ADGB: variants seen among roughly 807,000 people sequenced by gnomAD.
ADGB encodes androglobin.
A neutral mutation model predicts 210.5 loss-of-function variants in ADGB; 172 were observed. The ratio of observed to expected loss-of-function variants is 0.82; its 90% CI spans 0.72 to 0.93. The LOEUF is 0.93. ADGB is among the 40% of genes least tolerant of loss of function. The pLI is 0.00. For synonymous variants in ADGB, 658 were observed against 662.7 expected, an observed-to-expected ratio of 0.99 and a Z score of 0.11; for missense variants, 2,025 against 1,964.8, an observed-to-expected ratio of 1.03 and a Z score of -0.58.
intron 26 of ADGB, among the ~76,000 whole-genome samples, chr6:146,747,457 G>A (rs1777256226): frequency 6.6e-6 from 1 of 152,168 alleles, no homozygotes; most frequent in Non-Finnish European, 1.5e-5. Context: ...GAGTGGTGAG[G>A]AAGGTGAAGA....
chr6:146,652,717 A>C (rs138822334), intron 3 of ADGB, among the ~76,000 whole-genome samples: 1,563 of 152,288 alleles, frequency 0.01, 10 homozygotes, highest in Admixed American at 0.02. Flanking sequence ...ACAAGATTTT[A>C]AAAAGCTATC....
chr6:146,623,310 A>G (rs1469562152), intron 1 of ADGB, among the ~76,000 whole-genome samples: 1 of 151,978 alleles, frequency 6.6e-6, no homozygotes, highest in African/African-American at 2.4e-5. Flanking sequence ...CTTTCAACAT[A>G]TGTATATGGT....
Position 146,635,513 on chromosome 6 carries a change from C to A in ADGB, c.213C>A (p.Asp71Glu). The change falls in exon 2 of 36, where the codon GAC becomes GAA. Residue 71 changes from aspartate to glutamate, a missense_variant. Coordinates refer to ENST00000397944, the MANE Select transcript of ADGB (RefSeq NM_024694.4). Reference protein sequence around the residue: ...WDAGKGAKEKDKTGKSPVFHF... With the variant: ...WDAGKGAKEKEKTGKSPVFHF... ...CAGGCAAAGGTGCAAAAGAAAAGGA[C>A]AAAACAGGAAAAAGCCCTGTATTTG... 1 of 1,542,252 alleles carries A rather than the reference C, an allele frequency of 6.5e-7. No homozygotes were observed. Among genetic ancestry groups the A allele is most frequent in the Non-Finnish European group, 8.8e-7 (1 of 1,142,578 alleles).
chr6:146,706,487 T>C (rs896915022), intron 13 of ADGB, among the ~76,000 whole-genome samples: 5 of 151,980 alleles, frequency 3.3e-5, no homozygotes, highest in African/African-American at 1.2e-4. Flanking sequence ...TTTGATCTCC[T>C]GACCTCGTCA....
chr6:146,745,937 G>A lies in ADGB; in HGVS notation c.3193G>A (p.Val1065Met). Residue 1065 changes from valine to methionine, a missense_variant, in exon 26 of 36, where the codon GTG becomes ATG. Transcript: ENST00000397944. ...TTTCTTATAGAAGGGATACACTTTT[G>A]TGGCGGAAGCATTTACAGGCGACAC... ...YTKNKKGYTF[V>M]AEAFTGDTYV... 1 of 1,546,828 alleles carries A rather than the reference G, an allele frequency of 6.5e-7. No individual in the cohort carries two copies. The highest frequency in any genetic ancestry group is 8.7e-7 in the Non-Finnish European group (1 of 1,145,016).
At chr6:146,806,369 T>TA (rs1219564800) in intron 35 of ADGB, among the ~76,000 whole-genome samples, 1 of 152,190 alleles carries the variant, frequency 6.6e-6, no homozygotes, top group African/African-American at 2.4e-5. Flanking sequence ...TGATGTATAT[T>TA]AAACTTATTT....
chr6:146,787,873 T>C (rs1777896657), intron 32 of ADGB, among the ~76,000 whole-genome samples: 1 of 152,134 alleles, frequency 6.6e-6, no homozygotes. Flanking sequence ...TTTTACATAG[T>C]TTTTCCTAGG....
intron 29 of ADGB, among the ~76,000 whole-genome samples, chr6:146,779,751 GA>G (rs561225836): frequency 1.9e-4 from 27 of 143,722 alleles, no homozygotes; most frequent in African/African-American, 6.1e-4. Context: ...AGATATCCCA[GA>G]AAAAAAAACA....
At chr6:146,787,625 T>G (rs1777892297) in intron 32 of ADGB, among the ~76,000 whole-genome samples, 1 of 151,042 alleles carries the variant, frequency 6.6e-6, no homozygotes, top group Non-Finnish European at 1.5e-5. Flanking sequence ...TGCCTCTTAT[T>G]TCAACATTTC....
At chr6:146,783,904 T>C (rs949993844) in intron 30 of ADGB, among the ~76,000 whole-genome samples, 12 of 152,186 alleles carry the variant, frequency 7.9e-5, no homozygotes, top group African/African-American at 2.9e-4. Context: ...TCATGATGAA[T>C]ATGTAGCAAG....
intron 7 of ADGB, among the ~76,000 whole-genome samples, chr6:146,669,631 T>C (rs1441284777): frequency 6.6e-6 from 1 of 152,096 alleles, no homozygotes; most frequent in Non-Finnish European, 1.5e-5. Context: ...GTTTTTCTCC[T>C]TCTTATTTTC....
chr6:146,712,287 T>G (rs532806046), intron 13 of ADGB, among the ~76,000 whole-genome samples: 1 of 151,966 alleles, frequency 6.6e-6, no homozygotes, highest in South Asian at 2.1e-4. Flanking sequence ...CAGGTTCAAG[T>G]GATTCTCCTG....
In ADGB at chr6:146,784,713, G is replaced by A. The variant is rs927274450; in HGVS notation, c.4131G>A (p.Val1377=). ...TEHNESELFE[V]KKDTERADEI... is the part of the protein sequence containing the mutation. Reference sequence around the variant, plus strand: ...ACAATGAATCAGAATTATTTGAAGTGAAAAAGGATACAGAAAGGGCAGATG... The same window carrying A: ...ACAATGAATCAGAATTATTTGAAGTAAAAAAGGATACAGAAAGGGCAGATG... Residue 1377 remains valine, a synonymous_variant, in exon 31 of 36, where the codon GTG becomes GTA. Coordinates refer to ENST00000397944, the MANE Select transcript of ADGB (RefSeq NM_024694.4). 45 of 1,551,092 alleles carry A rather than the reference G, an allele frequency of 2.9e-5. No homozygotes were observed. The highest frequency in any genetic ancestry group is 3.7e-5 in the Non-Finnish European group (42 of 1,146,748).
intron 30 of ADGB, among the ~76,000 whole-genome samples, chr6:146,784,198 C>G (rs1405059658): frequency 6.6e-6 from 1 of 152,128 alleles, no homozygotes; most frequent in African/African-American, 2.4e-5. Flanking sequence ...CACCTCATCT[C>G]CTGGTAACAA....
At chr6:146,606,935 A>T (rs1780637682) in intron 1 of ADGB, among the ~76,000 whole-genome samples, 2 of 152,156 alleles carry the variant, frequency 1.3e-5, no homozygotes, top group African/African-American at 2.4e-5. Flanking sequence ...AATTCTGTGT[A>T]AAACGACATT....
intron 29 of ADGB, among the ~76,000 whole-genome samples, chr6:146,781,628 C>G (rs1050530217): frequency 6.6e-6 from 1 of 151,820 alleles, no homozygotes; most frequent in African/African-American, 2.4e-5. Flanking sequence ...TGTGTCTAAA[C>G]CAATCAGAAG....
At chr6:146,719,928 G>A (rs1776790361) in intron 16 of ADGB, among the ~76,000 whole-genome samples, 1 of 152,160 alleles carries the variant, frequency 6.6e-6, no homozygotes, top group African/African-American at 2.4e-5. Context: ...TGGAACATAG[G>A]GGGAGGAGTA....
chr6:146,675,794 T>TATTA (rs1776075642), intron 8 of ADGB, among the ~76,000 whole-genome samples: 1 of 152,180 alleles, frequency 6.6e-6, no homozygotes, highest in Non-Finnish European at 1.5e-5. Context: ...ACAAGAGTTT[T>TATTA]ATTACCTAAG....
intron 14 of ADGB, among the ~76,000 whole-genome samples, 168 bp from the exon 15 acceptor site, chr6:146,716,715 T>C (rs1776741155): frequency 1.3e-5 from 2 of 152,026 alleles, no homozygotes; most frequent in Non-Finnish European, 2.9e-5. Context: ...CCTTTGTGTA[T>C]GAAATGTGTC....
Sources: gnomAD v4.1 joint callset for allele counts (sites outside exome capture counted in the v4.1 genomes callset) on GRCh38, gnomAD v4.1.1 for gene constraint, MANE v1.5 for transcripts, NCBI Gene and HGNC (gene_info 2026-07-23, HGNC 2026-07-21) for gene names.